CCDC102B: variants seen among roughly 807,000 people sequenced by gnomAD.
The protein encoded by CCDC102B is coiled-coil domain-containing protein 102B.
A neutral mutation model predicts 57.4 loss-of-function variants in CCDC102B; 75 were observed. That is an observed-to-expected ratio of 1.31 (90% CI 1.08 to 1.58). The LOEUF is 1.58. Ranked by LOEUF, CCDC102B falls within the 40% of genes most tolerant of loss-of-function variation. CCDC102B has a pLI of 0.00. For synonymous variants in CCDC102B, 206 were observed against 201.9 expected, an observed-to-expected ratio of 1.02 and a Z score of -0.17; for missense variants, 636 against 582.6, an observed-to-expected ratio of 1.09 and a Z score of -0.94.
intron 5 of CCDC102B, among the ~76,000 whole-genome samples, chr18:68,888,012 G>C (rs1433218283): frequency 3.3e-5 from 5 of 152,152 alleles, no homozygotes; most frequent in African/African-American, 7.2e-5. Context: ...TATGGCACAT[G>C]ATCACACATT....
chr18:69,023,740 C>T (rs1294700410), intron 7 of CCDC102B, among the ~76,000 whole-genome samples: 1 of 151,666 alleles, frequency 6.6e-6, no homozygotes, highest in Non-Finnish European at 1.5e-5. Context: ...AAAACATATC[C>T]CCTATTTTTA....
intron 7 of CCDC102B, among the ~76,000 whole-genome samples, chr18:69,016,982 TAAC>T (rs2051686367): frequency 6.6e-6 from 1 of 152,216 alleles, no homozygotes; most frequent in South Asian, 2.1e-4. Context: ...AACTGCATCT[TAAC>T]TAATATGAAA....
chr18:68,748,798 C>T (rs1217957601), intron 2 of CCDC102B, among the ~76,000 whole-genome samples: 3 of 152,062 alleles, frequency 2.0e-5, no homozygotes, highest in African/African-American at 4.8e-5. Context: ...TAACAACATG[C>T]GTAGGATGAT....
chr18:69,016,808 C>G (rs1466185554), intron 7 of CCDC102B, among the ~76,000 whole-genome samples: 1 of 151,946 alleles, frequency 6.6e-6, no homozygotes, highest in East Asian at 1.9e-4. Flanking sequence ...ATGTACATAC[C>G]TTATTTTCTA....
At chr18:68,820,750 T>C (rs2036660888) in intron 1 of CCDC102B, among the ~76,000 whole-genome samples, 1 of 152,194 alleles carries the variant, frequency 6.6e-6, no homozygotes, top group South Asian at 2.1e-4. Flanking sequence ...CTAACAGACA[T>C]TGTGCTAGCC....
At chr18:69,055,632 G>GA (rs2052803318), downstream of CCDC102B, among the ~76,000 whole-genome samples, 1 of 152,040 alleles carries the variant, frequency 6.6e-6, no homozygotes, top group East Asian at 1.9e-4. Context: ...CCCCTTGCCT[G>GA]ACCATGTTTC....
intron 5 of CCDC102B, among the ~76,000 whole-genome samples, chr18:68,895,663 C>A (rs897480230): frequency 1.3e-5 from 2 of 151,716 alleles, no homozygotes; most frequent in African/African-American, 4.8e-5. Context: ...GAGTAGTTGA[C>A]CCTCTTCTGT....
chr18:68,909,317 T>C (rs948664795), intron 6 of CCDC102B, among the ~76,000 whole-genome samples: 1 of 152,206 alleles, frequency 6.6e-6, no homozygotes, highest in Non-Finnish European at 1.5e-5. Context: ...TCTAGTCTAC[T>C]ATTTTTATTT....
intron 1 of CCDC102B, among the ~76,000 whole-genome samples, chr18:68,814,604 C>G (rs1406364244): frequency 1.3e-5 from 2 of 152,010 alleles, no homozygotes; most frequent in Non-Finnish European, 2.9e-5. Flanking sequence ...TCTATTTAAA[C>G]CTTTCTTTTG....
chr18:69,005,182 A>G (rs2051308617), intron 6 of CCDC102B, among the ~76,000 whole-genome samples: 1 of 152,178 alleles, frequency 6.6e-6, no homozygotes, highest in South Asian at 2.1e-4. Context: ...ATAACAATCC[A>G]ATGTATCTGA....
chr18:68,978,758 G>A (rs2050501486), intron 6 of CCDC102B, among the ~76,000 whole-genome samples: 1 of 152,020 alleles, frequency 6.6e-6, no homozygotes. Context: ...TTCATCAAGT[G>A]ATTATTTTAA....
At chr18:68,802,560 C>G (rs563457631) in intron 1 of CCDC102B, among the ~76,000 whole-genome samples, 3 of 152,092 alleles carry the variant, frequency 2.0e-5, no homozygotes, top group African/African-American at 7.2e-5. Flanking sequence ...TGGATTAGAA[C>G]TAGGAGGGCT....
chr18:69,005,001 T>G (rs566651544), intron 6 of CCDC102B, among the ~76,000 whole-genome samples: 1 of 152,360 alleles, frequency 6.6e-6, no homozygotes, highest in East Asian at 1.9e-4. Flanking sequence ...ACATTGAATT[T>G]ATTCTTGTTG....
intron 2 of CCDC102B, among the ~76,000 whole-genome samples, chr18:68,729,943 CATTTT>C (rs562673523): frequency 9.6e-4 from 146 of 152,194 alleles, no homozygotes; most frequent in Non-Finnish European, 1.8e-3. Context: ...TATTGACAGA[CATTTT>C]ATAGAAGAGG....
At chr18:68,921,560 C>T (rs1036283615) in intron 6 of CCDC102B, among the ~76,000 whole-genome samples, 4 of 152,148 alleles carry the variant, frequency 2.6e-5, no homozygotes, top group Non-Finnish European at 5.9e-5. Flanking sequence ...CACAAGGGTC[C>T]TTAAATATAG....
chr18:69,026,515 G>T (rs1201680044), intron 7 of CCDC102B, among the ~76,000 whole-genome samples: 1 of 151,370 alleles, frequency 6.6e-6, no homozygotes, highest in Non-Finnish European at 1.5e-5. Flanking sequence ...GCGACATCTG[G>T]TTACTAGAAT....
chr18:68,948,342 G>A (rs2049597999), intron 6 of CCDC102B, among the ~76,000 whole-genome samples: 1 of 151,970 alleles, frequency 6.6e-6, no homozygotes, highest in Non-Finnish European at 1.5e-5. Context: ...TAACTTTTAA[G>A]ACTTTAATTT....
chr18:68,983,161 T>G (rs937860547), intron 6 of CCDC102B, among the ~76,000 whole-genome samples: 6 of 142,086 alleles, frequency 4.2e-5, no homozygotes, highest in Non-Finnish European at 1.6e-5. Context: ...ATTAAAAGGT[T>G]TTTTTTTTTA....
intron 2 of CCDC102B, among the ~76,000 whole-genome samples, chr18:68,739,144 A>T (rs950599393): frequency 2.6e-5 from 4 of 151,958 alleles, no homozygotes; most frequent in Non-Finnish European, 5.9e-5. Flanking sequence ...ACAGGCATGT[A>T]CCACCATGCC....
Sources: allele counts gnomAD v4.1 joint callset (sites outside exome capture counted in the v4.1 genomes callset), GRCh38; gene constraint gnomAD v4.1.1; transcripts MANE v1.5; gene names NCBI Gene and HGNC (gene_info 2026-07-23, HGNC 2026-07-21).